TXNDC16: variants seen among roughly 807,000 people sequenced by gnomAD.
TXNDC16 encodes thioredoxin domain containing 16.
In TXNDC16, 74 loss-of-function variants were observed where a neutral mutation model predicts 85.6. The ratio of observed to expected loss-of-function variants is 0.86; its 90% CI spans 0.72 to 1.05. The LOEUF is 1.05. Among genes scored for constraint, TXNDC16 ranks in the 50% least tolerant of loss-of-function variants. TXNDC16 has a pLI of 0.00. For missense variants in TXNDC16, 959 were observed against 947.0 expected (o/e 1.01, Z -0.17); for synonymous variants, 335 against 326.5 (o/e 1.03, Z -0.28).
chr14:52,493,282 C>T (rs2036457314), intron 9 of TXNDC16, among the ~76,000 whole-genome samples: 1 of 150,446 alleles, frequency 6.6e-6, no homozygotes, highest in Non-Finnish European at 1.5e-5. Flanking sequence ...TTCCAATCAG[C>T]TTCTAGTTTC....
At position 52,519,294 on chromosome 14, in the gene TXNDC16, C is replaced by G. The variant is rs372918476; in HGVS notation, c.393-1G>C. 1 of 1,587,328 alleles carries G rather than the reference C, an allele frequency of 6.3e-7. No homozygotes were observed. The highest frequency in any genetic ancestry group is 8.6e-7 in the Non-Finnish European group (1 of 1,161,354). ...TTTCACTTCACTAAAAAGAAGAGCA[C>G]TGAAATAAATACAGATATAATTAGT... is the stretch of plus-strand genomic sequence containing the variant. On this transcript the variant is annotated splice_acceptor_variant, in intron 6 of 20. Coordinates refer to ENST00000281741, the MANE Select transcript of TXNDC16 (RefSeq NM_020784.3). LOFTEE classifies it high-confidence loss of function.
Position 52,482,245 on chromosome 14 carries a change from C to G in TXNDC16, c.1297G>C (p.Ala433Pro). The change falls in exon 14 of 21, where the codon GCA becomes CCA. Residue 433 changes from alanine to proline, a missense_variant. By Grantham distance (27) the Ala-to-Pro change is conservative. Coordinates refer to ENST00000281741, the MANE Select transcript of TXNDC16 (RefSeq NM_020784.3). ...MAFLQSYIDV[A>P]VKLKGTSTML... ...AGTACACTACCTTTCAGTTTAACTG[C>G]CACATCAATATAGGATTGCAAAAAT... 6.2e-7 allele frequency: 1 copy of G among 1,611,906 alleles called. No individual in the cohort carries two copies. Among genetic ancestry groups the G allele is most frequent in the Non-Finnish European group, 8.5e-7 (1 of 1,178,894 alleles).
chr14:52,526,405 T>C (rs796192943), intron 6 of TXNDC16, among the ~76,000 whole-genome samples: 5 of 152,290 alleles, frequency 3.3e-5, no homozygotes, highest in South Asian at 2.1e-4. Flanking sequence ...TTGTAATATA[T>C]ATGCCACATA....
intron 16 of TXNDC16, among the ~76,000 whole-genome samples, chr14:52,466,270 G>A (rs1008065596): frequency 3.3e-5 from 5 of 151,406 alleles, no homozygotes; most frequent in Admixed American, 1.3e-4. Flanking sequence ...GCACATGCCT[G>A]TAGTCCCAAC....
chr14:52,517,824 G>A (rs779762931), intron 7 of TXNDC16, among the ~76,000 whole-genome samples: 7 of 152,084 alleles, frequency 4.6e-5, no homozygotes, highest in Admixed American at 3.3e-4. Context: ...CCAGTGCCCC[G>A]TTTTTCTCCT....
chr14:52,470,312 T>G, intron 15 of TXNDC16, 139 bp from the exon 16 acceptor site: 1 of 918,622 alleles, frequency 1.1e-6, no homozygotes, highest in East Asian at 2.8e-5. Context: ...AATATTATTC[T>G]TAAAGAAAAT....
At chr14:52,524,675 G>A (rs1380875463) in intron 6 of TXNDC16, among the ~76,000 whole-genome samples, 1 of 151,986 alleles carries the variant, frequency 6.6e-6, no homozygotes, top group African/African-American at 2.4e-5. Flanking sequence ...AAAACGTTTT[G>A]TAGAGACTGG....
At chr14:52,451,767 A>G (rs1380244347) in intron 18 of TXNDC16, among the ~76,000 whole-genome samples, 2 of 151,964 alleles carry the variant, frequency 1.3e-5, no homozygotes, top group African/African-American at 4.8e-5. Context: ...TCTTTTCTCT[A>G]AGATCTGGAA....
At chr14:52,539,710 G>T (rs2037785936) in intron 4 of TXNDC16, among the ~76,000 whole-genome samples, 2 of 152,218 alleles carry the variant, frequency 1.3e-5, no homozygotes, top group African/African-American at 2.4e-5. Context: ...AGTTCTCATA[G>T]TAGAACCAAG....
chr14:52,486,935 T>C (rs564605581), intron 12 of TXNDC16, among the ~76,000 whole-genome samples: 2 of 151,768 alleles, frequency 1.3e-5, no homozygotes, highest in Admixed American at 6.6e-5. Flanking sequence ...ACCCCACAAA[T>C]AGGTACAGTT....
At chr14:52,482,415 A>G in intron 13 of TXNDC16, 126 bp from the exon 14 acceptor site, 1 of 802,064 alleles carries the variant, frequency 1.2e-6, no homozygotes, top group Admixed American at 2.6e-5. Context: ...ATATTCTACT[A>G]TACATTTCTC....
At chr14:52,488,281 A>G in intron 12 of TXNDC16, 82 bp downstream of exon 12, 1 of 1,527,568 alleles carries the variant, frequency 6.5e-7, no homozygotes, top group Admixed American at 2.0e-5. Context: ...ACATTCTTGG[A>G]GAAAGTTAAT....
At chr14:52,549,278 C>G (rs886310234) in intron 1 of TXNDC16, among the ~76,000 whole-genome samples, 1 of 152,050 alleles carries the variant, frequency 6.6e-6, no homozygotes, top group Non-Finnish European at 1.5e-5. Flanking sequence ...TTGCACAGCT[C>G]ATTTAAATAA....
At chr14:52,478,822 G>A (rs974241898) in intron 14 of TXNDC16, among the ~76,000 whole-genome samples, 1 of 152,030 alleles carries the variant, frequency 6.6e-6, no homozygotes, top group African/African-American at 2.4e-5. Flanking sequence ...TATGACACCA[G>A]TATCACCCTA....
At chr14:52,516,837 C>G (rs1321815399) in intron 7 of TXNDC16, among the ~76,000 whole-genome samples, 1 of 152,152 alleles carries the variant, frequency 6.6e-6, no homozygotes, top group Non-Finnish European at 1.5e-5. Context: ...GCCAGGATCA[C>G]TTCCCGTCAT....
intron 11 of TXNDC16, 62 bp from the exon 12 acceptor site, chr14:52,488,548 T>G: frequency 1.4e-6 from 2 of 1,406,114 alleles, no homozygotes; most frequent in South Asian, 2.6e-5. Context: ...AAAAATGTTT[T>G]ACTTGGGCCA....
chr14:52,510,666 G>C (rs2036933186), intron 9 of TXNDC16, among the ~76,000 whole-genome samples: 2 of 152,170 alleles, frequency 1.3e-5, no homozygotes. Context: ...TTTTAAAAAA[G>C]ACATACTGAA....
intron 9 of TXNDC16, among the ~76,000 whole-genome samples, chr14:52,501,681 CA>C (rs1248014768): frequency 1.3e-5 from 2 of 152,134 alleles, no homozygotes; most frequent in African/African-American, 4.8e-5. Flanking sequence ...ATTTAGGTAC[CA>C]CCTTTTGGGA....
intron 14 of TXNDC16, among the ~76,000 whole-genome samples, chr14:52,472,566 A>C (rs2035933144): frequency 1.3e-5 from 2 of 152,182 alleles, no homozygotes. Context: ...GTACCCAGTA[A>C]AAATGTGTAG....
Sources: allele counts gnomAD v4.1 joint callset (sites outside exome capture counted in the v4.1 genomes callset), GRCh38; gene constraint gnomAD v4.1.1; transcripts MANE v1.5; gene names NCBI Gene and HGNC (gene_info 2026-07-23, HGNC 2026-07-21).